The following FASTKD1 variants were observed in gnomAD, a reference collection of about 807,000 sequenced individuals.
The protein encoded by FASTKD1 is FAST kinase domains 1, also known as FAST kinase domain-containing protein 1, mitochondrial.
A neutral mutation model predicts 90.9 loss-of-function variants in FASTKD1; 94 were observed. The ratio of observed to expected loss-of-function variants is 1.03; its 90% confidence interval spans 0.88 to 1.23. The LOEUF (loss-of-function observed/expected upper bound fraction) is 1.23. Among genes scored for constraint, FASTKD1 ranks in the 50% most tolerant of loss-of-function variants. The probability of loss-of-function intolerance (pLI) is 0.00; values close to 1 mark genes in which losing one functional copy is unlikely to be tolerated. For synonymous variants in FASTKD1, 319 were observed against 345.8 expected (o/e 0.92, Z 0.86); for missense variants, 945 against 993.5 (o/e 0.95, Z 0.66).
In FASTKD1 at chr2:169,544,812, A is replaced by C; in HGVS notation, c.1725T>G (p.Ala575=). ...IEKIHPFTIP[A]IIRPFSVLNY... ...TCAATACGCTGAATGGACGAATAAT[A>C]GCAGGGATTGTAAAAGGATGGATCT... The change falls in exon 9 of 15, where the codon GCT becomes GCG. Residue 575 remains alanine (A), a synonymous_variant. Transcript: ENST00000453153. 6.2e-7 allele frequency: 1 copy of C among 1,610,688 alleles called. No individual in the cohort carries two copies. The highest frequency in any genetic ancestry group is 1.3e-5 in the African/African-American group (1 of 74,998).
rs1286124324 is a variant in FASTKD1 at position 169,529,379 on chromosome 2, A to G, written c.*446T>C. Among the ~76,000 whole-genome samples, 2 of 152,022 alleles carry G rather than the reference A, an allele frequency of 1.3e-5. No individual in the cohort carries two copies. The highest frequency in any genetic ancestry group is 6.6e-5 in the Admixed American group (1 of 15,264). ...CAACATACATCCAAAAAATCTGACT[A>G]CTTCTTATTACCTCCACTGCTACCA... On this transcript the variant is annotated 3_prime_UTR_variant, in exon 15 of 15. Coordinates refer to ENST00000453153, the MANE Select transcript of FASTKD1 (RefSeq NM_024622.6).
chr2:169,560,642 C>T lies in FASTKD1; in HGVS notation c.716G>A (p.Arg239Gln), dbSNP rs771946667. 3.1e-6 allele frequency: 5 copies of T among 1,612,738 alleles called. No homozygotes were observed. The South Asian group carries it at 3.3e-5, about 11-fold the overall frequency. ...TGGTTGATAACGATATCTAACATTT[C>T]GAAGAAACTTTGCTATGCTTTTTGC... ...NVAKSIAKFL[R>Q]NVRYRYQPLL... The change falls in exon 5 of 15, where the codon CGA (arginine) becomes CAA (glutamine). Residue 239 changes from arginine to glutamine, a missense_variant. Transcript: ENST00000453153.
chr2:169,533,635 T>C (rs1684586094), intron 12 of FASTKD1, among the ~76,000 whole-genome samples: 1 of 152,138 alleles, frequency 6.6e-6, no homozygotes, highest in Admixed American at 6.5e-5. Context: ...AAACCTATTA[T>C]TGTTGTTATA....
At chr2:169,549,400 T>C (rs1306415115) in intron 7 of FASTKD1, among the ~76,000 whole-genome samples, 2 of 151,870 alleles carry the variant, frequency 1.3e-5, no homozygotes, top group African/African-American at 4.8e-5. Context: ...CGAAACTCCA[T>C]CTCAAAAAAA....
chr2:169,562,046 ATT>A lies in FASTKD1; in HGVS notation c.572+1177_572+1178del, dbSNP rs1559157474. Reference sequence around the variant, plus strand: ...TTAATTATTTATTAATTTATTGTAAATTAATTATTTATTAATTTATTGTAAAA... The same window carrying A: ...TTAATTATTTATTAATTTATTGTAAAAATTATTTATTAATTTATTGTAAAA... On this transcript the variant is annotated intron_variant, in intron 4 of 14. Transcript: ENST00000453153. Among the ~76,000 whole-genome samples the A allele has an allele frequency of 3.6e-4, 41 of 115,230 alleles. 7 individuals are homozygous for A. Among genetic ancestry groups the A allele is most frequent in the Non-Finnish European group, 5.4e-4 (30 of 55,654 alleles). 75.6% of individuals were successfully genotyped at this position (115,230 alleles called of 152,430 possible). A position where few individuals can be genotyped will look rare whatever the true frequency, so the allele number is the denominator to read the frequency against.
At chr2:169,533,544 TTACTA>T (rs1464199793) in intron 12 of FASTKD1, among the ~76,000 whole-genome samples, 2 of 152,242 alleles carry the variant, frequency 1.3e-5, no homozygotes, top group East Asian at 3.9e-4. Flanking sequence ...GGATATAAGT[TTACTA>T]TATGCATACA....
Position 169,571,893 on chromosome 2 carries a change from C to T in FASTKD1, c.137G>A (p.Cys46Tyr), listed in dbSNP as rs149932508. Residue 46 changes from cysteine to tyrosine, a missense_variant, in exon 2 of 15, where the codon TGT becomes TAT. By Grantham distance (194) the Cys-to-Tyr change is radical. Transcript: ENST00000453153. Reference sequence around the variant, plus strand: ...ACCAAACATTTGCTCCTCATCTGTACACTTATTCATCTGAATAATTAGTGG... The same window carrying T: ...ACCAAACATTTGCTCCTCATCTGTATACTTATTCATCTGAATAATTAGTGG... The part of the protein sequence containing the change: ...CEPLIIQMNK[C>Y]TDEEQMFGFI... 8.4e-5 allele frequency: 136 copies of T among 1,614,040 alleles called. No homozygotes were observed. The African/African-American group carries it at 1.7e-3, about 20-fold the overall frequency.
At chr2:169,549,828 G>A (rs1241890352) in intron 7 of FASTKD1, among the ~76,000 whole-genome samples, 1 of 152,146 alleles carries the variant, frequency 6.6e-6, no homozygotes, top group Non-Finnish European at 1.5e-5. Flanking sequence ...GTGTTAGCAA[G>A]GGTGTACTGA....
intron 9 of FASTKD1, among the ~76,000 whole-genome samples, chr2:169,541,080 A>C (rs958939397): frequency 6.6e-6 from 1 of 152,222 alleles, no homozygotes; most frequent in African/African-American, 2.4e-5. Context: ...AAGTTTATTT[A>C]ATAAAGAAAG....
rs759890047 is a variant in FASTKD1, at chr2:169,538,022, A to G, written c.2065T>C (p.Tyr689His). 6.2e-7 allele frequency: 1 copy of G among 1,601,644 alleles called. No homozygotes were observed. The highest frequency in any genetic ancestry group is 1.4e-5 in the African/African-American group (1 of 74,034). ...AAAAGAAAACTCAAACCTTTATTATATTGTTGACAGAAGCGGTCATGAAAC... is the reference window on the plus strand; with the variant it reads ...AAAAGAAAACTCAAACCTTTATTATGTTGTTGACAGAAGCGGTCATGAAAC... ...PWFHDRFCQQ[Y>H]NKGIGGMDGT... is the part of the protein sequence containing the mutation. The change falls in exon 11 of 15, where the codon TAT (tyrosine) becomes CAT (histidine). Residue 689 changes from tyrosine to histidine, a missense_variant. Tyr to His is a moderately conservative substitution (Grantham distance 83). Transcript: ENST00000453153.
chr2:169,531,066 C>T, intron 13 of FASTKD1: 4 of 686,328 alleles, frequency 5.8e-6, no homozygotes. Context: ...TGGCTAAGTG[C>T]TATGAGAAAA....
intron 12 of FASTKD1, among the ~76,000 whole-genome samples, chr2:169,532,387 G>T (rs559141165): frequency 6.7e-6 from 1 of 149,884 alleles, no homozygotes; most frequent in Non-Finnish European, 1.5e-5. Context: ...CCTCAGCCTA[G>T]GCAGCAGAGC....
At position 169,529,409 on chromosome 2, in the gene FASTKD1, C is replaced by T. The variant is rs1377131174; in HGVS notation, c.*416G>A. On this transcript the variant is annotated 3_prime_UTR_variant, in exon 15 of 15. Coordinates refer to ENST00000453153, the MANE Select transcript of FASTKD1 (RefSeq NM_024622.6). ...TTATTACCTCCACTGCTACCACTCT[C>T]TCCAAGCCACCATCCATTGTTGTCT... 2.0e-5 allele frequency among the ~76,000 whole-genome samples: 3 copies of T among 152,210 alleles called. No individual in the cohort carries two copies. The highest frequency in any genetic ancestry group is 4.4e-5 in the Non-Finnish European group (3 of 68,042).
At chr2:169,545,318 A>T (rs1685143912) in intron 8 of FASTKD1, among the ~76,000 whole-genome samples, 1 of 152,252 alleles carries the variant, frequency 6.6e-6, no homozygotes, top group Non-Finnish European at 1.5e-5. Flanking sequence ...TAATCAGTAC[A>T]TTTTATAGAA....
chr2:169,568,499 T>C (rs1319772740), intron 3 of FASTKD1, among the ~76,000 whole-genome samples: 1 of 150,944 alleles, frequency 6.6e-6, no homozygotes, highest in East Asian at 1.9e-4. Context: ...TTTTCTCTCT[T>C]AAAGAATACA....
intron 3 of FASTKD1, among the ~76,000 whole-genome samples, chr2:169,564,952 C>CTTTTTTTT (rs557658819): frequency 1.8e-5 from 2 of 109,014 alleles, no homozygotes; most frequent in Non-Finnish European, 3.9e-5. Flanking sequence ...CCACATTTTT[C>CTTTTTTTT]TTTTTTTTTT....
At chr2:169,563,471 ATGT>A (rs1683806869) in intron 3 of FASTKD1, 121 bp from the exon 4 acceptor site, 2 of 639,364 alleles carry the variant, frequency 3.1e-6, no homozygotes, top group Non-Finnish European at 4.5e-6. Flanking sequence ...TTTTTCTAAA[ATGT>A]TATTATTATA....
At chr2:169,557,346 T>C (rs1418203212) in intron 5 of FASTKD1, 49 bp from the exon 6 acceptor site, 1 of 1,050,772 alleles carries the variant, frequency 9.5e-7, no homozygotes, top group African/African-American at 1.7e-5. Flanking sequence ...GAAAATTAGC[T>C]TGCAATTTTT....
intron 5 of FASTKD1, 102 bp from the exon 6 acceptor site, chr2:169,557,399 A>C (rs1173809385): frequency 1.7e-6 from 1 of 583,990 alleles, no homozygotes; most frequent in Non-Finnish European, 3.0e-6. Context: ...AAAAAAATAT[A>C]AACAAAAACT....
Sources: gnomAD v4.1 joint callset for allele counts (sites outside exome capture counted in the v4.1 genomes callset) on GRCh38, gnomAD v4.1.1 for gene constraint, MANE v1.5 for transcripts, NCBI Gene and HGNC (gene_info 2026-07-23, HGNC 2026-07-21) for gene names.